Variants in SUGP2 observed in about 807,000 individuals in gnomAD.
The protein encoded by SUGP2 is SURP and G-patch domain containing 2.
In SUGP2, 24 loss-of-function variants were observed where a neutral mutation model predicts 90.5. The observed-to-expected ratio is 0.27, with a 90% confidence interval of 0.19 to 0.37. SUGP2 has a LOEUF of 0.37. Among genes scored for constraint, SUGP2 ranks in the 10% least tolerant of loss-of-function variants. The pLI, the probability that SUGP2 is intolerant of heterozygous loss-of-function variation, is 1.00. For missense variants in SUGP2, 1,233 were observed against 1,363.3 expected (o/e 0.90, Z 1.51); for synonymous variants, 473 against 513.4 (o/e 0.92, Z 1.06).
chr19:19,018,200 C>T (rs185910278), intron 4 of SUGP2, among the ~76,000 whole-genome samples: 1 of 149,796 alleles, frequency 6.7e-6, no homozygotes, highest in East Asian at 1.9e-4. Context: ...TGCCTCATGT[C>T]GTGCACCTGT....
chr19:19,022,804 A>G (rs1327229409), intron 3 of SUGP2, among the ~76,000 whole-genome samples: 1 of 152,120 alleles, frequency 6.6e-6, no homozygotes, highest in African/African-American at 2.4e-5. Flanking sequence ...GGTGGGACCT[A>G]TCTAGTGTCT....
At chr19:19,015,461 T>G (rs2058465797) in intron 4 of SUGP2, among the ~76,000 whole-genome samples, 1 of 151,916 alleles carries the variant, frequency 6.6e-6, no homozygotes, top group Admixed American at 6.6e-5. Flanking sequence ...CTTATTGCTG[T>G]GCTTTTGTAT....
intron 7 of SUGP2, among the ~76,000 whole-genome samples, chr19:19,002,622 T>G (rs1009211742): frequency 6.9e-6 from 1 of 145,140 alleles, no homozygotes; most frequent in Non-Finnish European, 1.5e-5. Context: ...CAAGCGATTC[T>G]CCAGCCTCAG....
chr19:19,024,661 T>G lies in SUGP2; in HGVS notation c.1687A>C (p.Lys563Gln), dbSNP rs752751021. ...REEEKMIPPT[K>Q]PEIQAKAPSS... ...GGAGCCTTGGCCTGAATTTCAGGTT[T>G]CGTAGGAGGAATCATTTTCTCCTCC... The change falls in exon 3 of 11, where the codon AAA (lysine) becomes CAA (glutamine). Residue 563 changes from lysine to glutamine, a missense_variant. By Grantham distance (53) the Lys-to-Gln change is moderately conservative. Around this residue, in one of 8 missense-constraint regions of SUGP2, gnomAD observed 540 missense variants for 542.6 expected, o/e 1.00. Transcript: ENST00000452918. 1.2e-6 allele frequency: 2 copies of G among 1,614,202 alleles called. No homozygotes were observed. Among genetic ancestry groups the G allele is most frequent in the South Asian group, 2.2e-5 (2 of 91,080 alleles).
chr19:18,994,588 G>A, intron 9 of SUGP2, 102 bp from the exon 10 acceptor site: 2 of 1,457,604 alleles, frequency 1.4e-6, no homozygotes, highest in Non-Finnish European at 9.3e-7. Context: ...CAGGTGTTTG[G>A]GACACACACT....
rs142580708 is a variant in SUGP2, at chr19:19,012,682, T to C, written c.1851-2340A>G. ...GGAGGCAAGTGCTATGAAAACTGCC[T>C]AGTAGTCATTAACCGCTCAACAAAT... On this transcript the variant is annotated intron_variant, in intron 4 of 10. Transcript: ENST00000452918. Among the ~76,000 whole-genome samples the C allele has an allele frequency of 3.1e-3, 471 of 152,356 alleles. 1 individual carries two copies. The highest frequency in any genetic ancestry group is 0.01 in the African/African-American group (434 of 41,580).
intron 3 of SUGP2, among the ~76,000 whole-genome samples, chr19:19,021,330 G>A (rs1399634975): frequency 1.3e-5 from 2 of 152,118 alleles, no homozygotes; most frequent in Non-Finnish European, 2.9e-5. Flanking sequence ...AAACACTAGT[G>A]TGAGCTCCTC....
At chr19:19,013,067 A>G (rs1408546364) in intron 4 of SUGP2, among the ~76,000 whole-genome samples, 2 of 152,066 alleles carry the variant, frequency 1.3e-5, no homozygotes, top group Non-Finnish European at 2.9e-5. Context: ...GGGTTTCACC[A>G]TGTTGGCCAG....
In SUGP2 at chr19:19,026,003, G is replaced by T; in HGVS notation, c.345C>A (p.His115Gln). 3 of 1,614,152 alleles carry T rather than the reference G, an allele frequency of 1.9e-6. No individual in the cohort carries two copies. The highest frequency in any genetic ancestry group is 2.5e-6 in the Non-Finnish European group (3 of 1,180,038). Reference protein sequence around the residue: ...KECGRDLEFSHSDSRDQVIGH... With the variant: ...KECGRDLEFSQSDSRDQVIGH... ...CAATGACCTGGTCCCGAGAATCAGA[G>T]TGAGAAAATTCCAGATCCCGGCCAC... The change falls in exon 3 of 11, where the codon CAC (histidine) becomes CAA (glutamine). Residue 115 changes from histidine to glutamine, a missense_variant. His to Gln is a conservative substitution (Grantham distance 24, BLOSUM62 0). Transcript: ENST00000452918.
chr19:19,026,785 A>G (rs767091370), intron 2 of SUGP2, among the ~76,000 whole-genome samples: 2 of 152,144 alleles, frequency 1.3e-5, no homozygotes, highest in African/African-American at 4.8e-5. Flanking sequence ...ACCATAGCTA[A>G]CACCACACCC....
rs147528589 is a variant in SUGP2 at position 18,996,095 on chromosome 19, C to T, written c.2992-815G>A. ...TTGCCATGTATTCCTTGGCTCTTCA[C>T]GAGTCAACTTGTGTGGGTGGGCTGG... is the stretch of plus-strand genomic sequence containing the variant. On this transcript the variant is annotated intron_variant, in intron 8 of 10. Coordinates refer to ENST00000452918, the MANE Select transcript of SUGP2 (RefSeq NM_001017392.5). Among the ~76,000 whole-genome samples, 11 of 152,280 alleles carry T rather than the reference C, an allele frequency of 7.2e-5. No homozygotes were observed. In the East Asian group the frequency reaches 9.7e-4, roughly 13 times the overall value.
rs140520431 is a variant in SUGP2, at chr19:19,015,204, AAAATAAATAAATAAAT to A, written c.1850+3889_1850+3904del. On this transcript the variant is annotated intron_variant, in intron 4 of 10. Coordinates refer to ENST00000452918, the MANE Select transcript of SUGP2 (RefSeq NM_001017392.5). Reference sequence around the variant, plus strand: ...GGGACAGAGCGAGACTCTGTCTCAAAAAATAAATAAATAAATAAATAAATAAATAAATAATAAAAAG... The same window carrying A: ...GGGACAGAGCGAGACTCTGTCTCAAAAAATAAATAAATAAATAATAAAAAG... 1.6e-4 allele frequency among the ~76,000 whole-genome samples: 23 copies of A among 146,632 alleles called. No individual in the cohort carries two copies. The East Asian group carries it at 3.9e-3, about 25-fold the overall frequency.
At chr19:19,029,756 A>C (rs552328226) in intron 2 of SUGP2, among the ~76,000 whole-genome samples, 1 of 151,602 alleles carries the variant, frequency 6.6e-6, no homozygotes, top group Non-Finnish European at 1.5e-5. Context: ...TGACCAACAT[A>C]GTGAAACCCC....
intron 4 of SUGP2, among the ~76,000 whole-genome samples, chr19:19,014,974 G>A (rs566832881): frequency 7.9e-5 from 12 of 152,244 alleles, no homozygotes; most frequent in African/African-American, 2.9e-4. Flanking sequence ...GGCCAAGGCA[G>A]GAGGATCATG....
intron 4 of SUGP2, among the ~76,000 whole-genome samples, chr19:19,015,059 G>A (rs902022089): frequency 4.0e-5 from 6 of 151,842 alleles, no homozygotes; most frequent in Admixed American, 1.3e-4. Flanking sequence ...AAAATTAGCC[G>A]GGTGTGGTGG....
intron 1 of SUGP2, chr19:19,033,030 G>A (rs2059245587): frequency 2.0e-5 from 3 of 152,538 alleles, no homozygotes; most frequent in African/African-American, 7.2e-5. Flanking sequence ...TAAGCTTTCT[G>A]TGCTTCCGTT....
rs1377702226 is a variant in SUGP2 at position 19,024,874 on chromosome 19, A to C, written c.1474T>G (p.Ser492Ala). Residue 492 changes from serine to alanine, a missense_variant, in exon 3 of 11, where the codon TCT (serine) becomes GCT (alanine). Ser to Ala is a moderately conservative substitution (Grantham distance 99, BLOSUM62 1). Transcript: ENST00000452918. ...LLGQTFSLAS[S>A]FRQEKILEAV... Reference sequence around the variant, plus strand: ...TCTAAGATTTTCTCCTGCCGGAAAGAAGAGGCCAAGGAAAATGTCTGTCCC... The same window carrying C: ...TCTAAGATTTTCTCCTGCCGGAAAGCAGAGGCCAAGGAAAATGTCTGTCCC... 6.2e-7 allele frequency: 1 copy of C among 1,614,196 alleles called. No homozygotes were observed. The highest frequency in any genetic ancestry group is 1.1e-5 in the South Asian group (1 of 91,080).
At chr19:18,994,797 G>C (rs1256383775) in intron 9 of SUGP2, 2 of 527,096 alleles carry the variant, frequency 3.8e-6, no homozygotes, top group Non-Finnish European at 6.8e-6. Flanking sequence ...CTTTGGGCCT[G>C]TGTTCGGGAC....
chr19:19,031,344 G>C (rs1268995081), intron 1 of SUGP2, among the ~76,000 whole-genome samples: 1 of 152,046 alleles, frequency 6.6e-6, no homozygotes, highest in Non-Finnish European at 1.5e-5. Context: ...GACCAGCCTG[G>C]CCAACATGGC....
Sources: allele counts gnomAD v4.1 joint callset (sites outside exome capture counted in the v4.1 genomes callset), GRCh38; gene constraint gnomAD v4.1.1; regional missense constraint gnomAD v4.1.1; transcripts MANE v1.5; gene names NCBI Gene and HGNC (gene_info 2026-07-23, HGNC 2026-07-21).